Variants in IDO1 observed in about 807,000 individuals in gnomAD.
IDO1 encodes the protein indoleamine 2,3-dioxygenase 1, also known as indolamine 2,3 dioxygenase.
IDO1 carries 35 observed loss-of-function variants against 38.8 expected under a neutral mutation model. That is an observed-to-expected ratio of 0.90 (90% CI 0.69 to 1.20). The LOEUF (loss-of-function observed/expected upper bound fraction) is 1.20, where lower values mean the gene tolerates loss of function less well. Among genes scored for constraint, IDO1 ranks in the 50% most tolerant of loss-of-function variants. The pLI, the probability that IDO1 is intolerant of heterozygous loss-of-function variation, is 0.00. For missense variants in IDO1, 509 were observed against 485.1 expected, an observed-to-expected ratio of 1.05 and a Z score of -0.46; for synonymous variants, 171 against 170.0, an observed-to-expected ratio of 1.01 and a Z score of -0.05.
At position 39,918,930 on chromosome 8, in the gene IDO1, A is replaced by G. The variant is rs756341315; in HGVS notation, c.419A>G (p.Asn140Ser). 6 of 1,516,656 alleles carry G rather than the reference A, an allele frequency of 4.0e-6. No homozygotes were observed. Among genetic ancestry groups the G allele is most frequent in the Admixed American group, 3.3e-5 (2 of 59,888 alleles). The allele number at this position is 1,516,656 out of a possible 1,614,324, so 93.9% of individuals were successfully genotyped here. A position where few individuals can be genotyped will look rare whatever the true frequency, so the allele number is the denominator to read the frequency against. Residue 140 changes from asparagine to serine, a missense_variant, in exon 4 of 10, where the codon AAT becomes AGT. Asn to Ser is a conservative substitution (Grantham distance 46). Coordinates refer to ENST00000518237, the MANE Select transcript of IDO1 (RefSeq NM_002164.6). ...GCAAACTGGAAGAAAAAGGATCCTA[A>G]TAAGTATGTAAACAGTGATAACAAC... is the stretch of plus-strand genomic sequence containing the variant. ...VLANWKKKDP[N>S]KPLTYENMDV...
Position 39,925,287 on chromosome 8 carries a change from G to A in IDO1, c.772G>A (p.Glu258Lys). 1 of 1,613,414 alleles carries A rather than the reference G, an allele frequency of 6.2e-7. No homozygotes were observed. The highest frequency in any genetic ancestry group is 8.5e-7 in the Non-Finnish European group (1 of 1,179,756). ...TGAAGGGTTCTGGGAAGACCCAAAG[G>A]AGTTTGCAGGGGGCAGTGCAGGCCA... is the stretch of plus-strand genomic sequence containing the variant. Reference protein sequence around the residue: ...VYEGFWEDPKEFAGGSAGQSS... With the variant: ...VYEGFWEDPKKFAGGSAGQSS... The change falls in exon 9 of 10, where the codon GAG becomes AAG. Residue 258 changes from glutamate to lysine, a missense_variant. Physicochemically the swap from Glu to Lys is moderately conservative, Grantham distance 56. Coordinates refer to ENST00000518237, the MANE Select transcript of IDO1 (RefSeq NM_002164.6).
chr8:39,914,925 C>T (rs796925348), intron 1 of IDO1, among the ~76,000 whole-genome samples: 50 of 152,202 alleles, frequency 3.3e-4, no homozygotes, highest in African/African-American at 1.2e-3. Context: ...GCCACCACAC[C>T]CAGCTACTTT....
intron 1 of IDO1, among the ~76,000 whole-genome samples, chr8:39,917,513 A>G (rs1332232060): frequency 6.6e-6 from 1 of 152,256 alleles, no homozygotes; most frequent in East Asian, 1.9e-4. Context: ...AAAAGAAAAG[A>G]AAAACCAAAG....
At chr8:39,927,565 A>G (rs1346368353) in intron 9 of IDO1, among the ~76,000 whole-genome samples, 1 of 151,930 alleles carries the variant, frequency 6.6e-6, no homozygotes, top group Non-Finnish European at 1.5e-5. Flanking sequence ...GTCTCAAAAA[A>G]AAAAAAAAAA....
intron 5 of IDO1, among the ~76,000 whole-genome samples, chr8:39,920,407 A>G (rs749156073): frequency 6.6e-6 from 1 of 152,254 alleles, no homozygotes; most frequent in Non-Finnish European, 1.5e-5. Flanking sequence ...CTGTGTATCT[A>G]TGATTTAATA....
chr8:39,917,858 C>G lies in IDO1; in HGVS notation c.88-17C>G. ...ATAACTGCTACTACTAAATAAAGAT[C>G]TTTTTTTTTTTTCAAGGAAAATCTA... On this transcript the variant is annotated splice_polypyrimidine_tract_variant and intron_variant, in intron 1 of 9. Coordinates refer to ENST00000518237, the MANE Select transcript of IDO1 (RefSeq NM_002164.6). 8.6e-7 allele frequency: 1 copy of G among 1,167,462 alleles called. No individual in the cohort carries two copies. Among genetic ancestry groups the G allele is most frequent in the Non-Finnish European group, 1.2e-6 (1 of 832,278 alleles). 72.3% of individuals were successfully genotyped at this position (1,167,462 alleles called of 1,614,324 possible). A position where few individuals can be genotyped will look rare whatever the true frequency, so the allele number is the denominator to read the frequency against.
At chr8:39,927,116 G>T (rs1490160613) in intron 9 of IDO1, among the ~76,000 whole-genome samples, 2 of 152,048 alleles carry the variant, frequency 1.3e-5, no homozygotes, top group Admixed American at 1.3e-4. Context: ...ATGGGCACCT[G>T]GGTTCATTCC....
Position 39,922,616 on chromosome 8 carries a change from C to T in IDO1, c.502C>T (p.Leu168=), listed in dbSNP as rs377288389. 34 of 1,613,232 alleles carry T rather than the reference C, an allele frequency of 2.1e-5. No homozygotes were observed. Among genetic ancestry groups the T allele is most frequent in the Non-Finnish European group, 5.9e-6 (7 of 1,179,390 alleles). Residue 168 remains leucine (L), a synonymous_variant, in exon 6 of 10, where the codon CTA becomes TTA. Coordinates refer to ENST00000518237, the MANE Select transcript of IDO1 (RefSeq NM_002164.6). ...CAGTAAAGGATTCTTCCTGGTCTCT[C>T]TATTGGTGGAAATAGCAGCTGCTTC... is the stretch of plus-strand genomic sequence containing the variant. ...DCSKGFFLVS[L]LVEIAAASAI...
chr8:39,923,403 CAAAAAAAAAAAAA>C lies in IDO1; in HGVS notation c.538-60_538-48del, dbSNP rs11337517. 64 of 746,340 alleles carry C rather than the reference CAAAAAAAAAAAAA, an allele frequency of 8.6e-5. 1 individual carries two copies. The South Asian group carries it at 1.1e-3, about 13-fold the overall frequency. 46.2% of individuals were successfully genotyped at this position (746,340 alleles called of 1,614,324 possible). The stretch of plus-strand genomic sequence containing the variant: ...TGGACAACTGAGCGAGACTCCGTCT[CAAAAAAAAAAAAA>C]AAAAAGAAAGAAAGAAAACCTTAAA... On this transcript the variant is annotated intron_variant, in intron 6 of 9. Coordinates refer to ENST00000518237, the MANE Select transcript of IDO1 (RefSeq NM_002164.6).
At chr8:39,923,627 C>A in intron 7 of IDO1, 41 bp downstream of exon 7, 2 of 1,173,146 alleles carry the variant, frequency 1.7e-6, no homozygotes, top group South Asian at 1.3e-5. Flanking sequence ...GCTGACAAGT[C>A]AAATGTTCCA....
At chr8:39,923,302 G>A (rs1403801271) in intron 6 of IDO1, among the ~76,000 whole-genome samples, 167 bp from the exon 7 acceptor site, 1 of 151,942 alleles carries the variant, frequency 6.6e-6, no homozygotes, top group Non-Finnish European at 1.5e-5. Flanking sequence ...TACTCAGGAG[G>A]CTGAGGCAGG....
At chr8:39,924,527 G>C (rs568680690) in intron 7 of IDO1, among the ~76,000 whole-genome samples, 194 bp from the exon 8 acceptor site, 1 of 152,168 alleles carries the variant, frequency 6.6e-6, no homozygotes, top group Non-Finnish European at 1.5e-5. Flanking sequence ...TAAATAAATA[G>C]ATACAGTTTA....
In IDO1 at chr8:39,927,875, C is replaced by T. The variant is rs756847667; in HGVS notation, c.902C>T (p.Pro301Leu). The T allele has an allele frequency of 5.1e-6, 8 of 1,583,326 alleles. No individual in the cohort carries two copies. The highest frequency in any genetic ancestry group is 1.7e-4 in the Middle Eastern group (1 of 5,882). The change falls in exon 10 of 10, where the codon CCA (proline) becomes CTA (leucine). Residue 301 changes from proline (P) to leucine (L), a missense_variant. Pro to Leu is a moderately conservative substitution (Grantham distance 98). Coordinates refer to ENST00000518237, the MANE Select transcript of IDO1 (RefSeq NM_002164.6). ...CAGGACATGAGAAGATATATGCCACCAGCTCACAGGAACTTCCTGTGCTCA... is the reference window on the plus strand; with the variant it reads ...CAGGACATGAGAAGATATATGCCACTAGCTCACAGGAACTTCCTGTGCTCA... ...FLQDMRRYMPPAHRNFLCSLE... is the reference protein window; with the variant it reads ...FLQDMRRYMPLAHRNFLCSLE...
At chr8:39,914,735 A>G (rs1454573802) in intron 1 of IDO1, among the ~76,000 whole-genome samples, 2 of 152,136 alleles carry the variant, frequency 1.3e-5, no homozygotes, top group Non-Finnish European at 2.9e-5. Context: ...TCTCATAGCC[A>G]TCCCAAAAGT....
intron 8 of IDO1, among the ~76,000 whole-genome samples, chr8:39,924,999 A>G (rs1807338232): frequency 6.6e-6 from 1 of 152,186 alleles, no homozygotes; most frequent in South Asian, 2.1e-4. Flanking sequence ...GCTAGTACAA[A>G]GGTAAGATTC....
chr8:39,923,616 G>A (rs774179999), intron 7 of IDO1, 30 bp downstream of exon 7: 9 of 1,288,906 alleles, frequency 7.0e-6, no homozygotes, highest in Admixed American at 5.4e-5. Flanking sequence ...CAATAGTCTA[G>A]GCTGACAAGT....
chr8:39,928,053 G>T lies in IDO1; in HGVS notation c.1080G>T (p.Gln360His). 6 of 1,610,894 alleles carry T rather than the reference G, an allele frequency of 3.7e-6. No individual in the cohort carries two copies. Among genetic ancestry groups the T allele is most frequent in the Non-Finnish European group, 5.1e-6 (6 of 1,178,504 alleles). The change falls in exon 10 of 10, where the codon CAG becomes CAT. Residue 360 changes from glutamine to histidine, a missense_variant. By Grantham distance (24) the Gln-to-His change is conservative. Coordinates refer to ENST00000518237, the MANE Select transcript of IDO1 (RefSeq NM_002164.6). ...VTKYILIPAS[Q>H]QPKENKTSED... ...AGTACATCCTGATTCCTGCAAGCCAGCAGCCAAAGGAGAATAAGACCTCTG... is the reference window on the plus strand; with the variant it reads ...AGTACATCCTGATTCCTGCAAGCCATCAGCCAAAGGAGAATAAGACCTCTG...
intron 5 of IDO1, among the ~76,000 whole-genome samples, chr8:39,921,521 G>A (rs1807271157): frequency 6.6e-6 from 1 of 152,146 alleles, no homozygotes; most frequent in Admixed American, 6.5e-5. Context: ...AGTTAAAACA[G>A]TATCTTAAGG....
chr8:39,922,041 C>G (rs1012491027), intron 5 of IDO1, among the ~76,000 whole-genome samples: 1 of 152,134 alleles, frequency 6.6e-6, no homozygotes, highest in Non-Finnish European at 1.5e-5. Flanking sequence ...GCTCTTGTCG[C>G]CCAGGCTGGA....
Sources: allele counts gnomAD v4.1 joint callset (sites outside exome capture counted in the v4.1 genomes callset), GRCh38; gene constraint gnomAD v4.1.1; transcripts MANE v1.5; gene names NCBI Gene and HGNC (gene_info 2026-07-23, HGNC 2026-07-21).